The following GABBR2 variants were observed in gnomAD, a reference collection of about 807,000 sequenced individuals.
The protein encoded by GABBR2 is gamma-aminobutyric acid type B receptor subunit 2, also known as G-protein coupled receptor 51.
In GABBR2, 23 loss-of-function variants were observed where a neutral mutation model predicts 105.6. The ratio of observed to expected loss-of-function variants is 0.22; its 90% confidence interval spans 0.16 to 0.31. The LOEUF (loss-of-function observed/expected upper bound fraction) is 0.31, where lower values mean the gene tolerates loss of function less well. Ranked by LOEUF, GABBR2 falls within the 10% of genes least tolerant of loss-of-function variation. GABBR2 has a pLI of 1.00. For missense variants in GABBR2, 734 were observed against 1,245.5 expected, an observed-to-expected ratio of 0.59 and a Z score of 6.18; for synonymous variants, 478 against 499.7, an observed-to-expected ratio of 0.96 and a Z score of 0.58.
chr9:98,501,153 C>CTT (rs199661688), intron 3 of GABBR2, among the ~76,000 whole-genome samples: 4 of 125,736 alleles, frequency 3.2e-5, no homozygotes, highest in Admixed American at 1.7e-4. Context: ...CCCCCTGCTC[C>CTT]TTTTTTTTTT....
intron 2 of GABBR2, among the ~76,000 whole-genome samples, chr9:98,570,613 T>C (rs1391976633): frequency 2.0e-5 from 3 of 152,172 alleles, no homozygotes; most frequent in Non-Finnish European, 4.4e-5. Context: ...CCAGGCCCCA[T>C]GCTTTCAGGA....
intron 2 of GABBR2, among the ~76,000 whole-genome samples, chr9:98,553,910 C>A (rs1352750104): frequency 1.3e-5 from 2 of 152,330 alleles, no homozygotes; most frequent in African/African-American, 4.8e-5. Context: ...TGTGATTTAA[C>A]AATTCCCAAA....
At chr9:98,642,927 T>C (rs1269897641) in intron 1 of GABBR2, among the ~76,000 whole-genome samples, 1 of 152,204 alleles carries the variant, frequency 6.6e-6, no homozygotes, top group African/African-American at 2.4e-5. Context: ...CCTCCTGCAC[T>C]GTCTCCCTCG....
chr9:98,628,143 C>T (rs760539840), intron 1 of GABBR2, among the ~76,000 whole-genome samples: 1 of 152,186 alleles, frequency 6.6e-6, no homozygotes, highest in African/African-American at 2.4e-5. Flanking sequence ...GAATAACTTA[C>T]GTGTGTTTAA....
chr9:98,478,694 C>A (rs1426018416), intron 5 of GABBR2, among the ~76,000 whole-genome samples: 2 of 152,172 alleles, frequency 1.3e-5, no homozygotes, highest in African/African-American at 4.8e-5. Context: ...CTGGGAAAGC[C>A]ACTTGGAAAC....
chr9:98,556,848 C>T (rs2131755982), intron 2 of GABBR2, among the ~76,000 whole-genome samples: 1 of 152,174 alleles, frequency 6.6e-6, no homozygotes, highest in South Asian at 2.1e-4. Flanking sequence ...AAGTGGAGAC[C>T]AGTCTGGGCA....
chr9:98,617,463 G>A (rs1829602820), intron 1 of GABBR2, among the ~76,000 whole-genome samples: 1 of 152,158 alleles, frequency 6.6e-6, no homozygotes, highest in Admixed American at 6.5e-5. Context: ...TACCTCTAAG[G>A]TTTCTGATTT....
At chr9:98,371,144 C>T (rs1831774603) in intron 12 of GABBR2, among the ~76,000 whole-genome samples, 1 of 152,156 alleles carries the variant, frequency 6.6e-6, no homozygotes, top group Non-Finnish European at 1.5e-5. Context: ...AGGTCCCCAG[C>T]ATCCCTATGC....
chr9:98,538,183 G>A (rs1468632629), intron 3 of GABBR2, among the ~76,000 whole-genome samples: 1 of 152,348 alleles, frequency 6.6e-6, no homozygotes, highest in East Asian at 1.9e-4. Context: ...CTGCAAGGTA[G>A]GATAAATAGC....
At chr9:98,374,399 G>A (rs978828140) in intron 11 of GABBR2, among the ~76,000 whole-genome samples, 3 of 152,214 alleles carry the variant, frequency 2.0e-5, no homozygotes, top group African/African-American at 7.2e-5. Flanking sequence ...TAGCAGGCCT[G>A]AGACTGTTAT....
chr9:98,665,970 A>G (rs745639882), intron 1 of GABBR2, among the ~76,000 whole-genome samples: 2 of 152,232 alleles, frequency 1.3e-5, no homozygotes, highest in Non-Finnish European at 2.9e-5. Flanking sequence ...AAAGAGCCTT[A>G]GCCAGCACCA....
intron 16 of GABBR2, among the ~76,000 whole-genome samples, chr9:98,300,029 ATTT>A (rs530073574): frequency 7.1e-6 from 1 of 141,186 alleles, no homozygotes; most frequent in South Asian, 2.2e-4. Context: ...TGTCTGGCTA[ATTT>A]TTTTTTTTTT....
At chr9:98,524,493 T>A (rs998092197) in intron 3 of GABBR2, among the ~76,000 whole-genome samples, 1 of 152,222 alleles carries the variant, frequency 6.6e-6, no homozygotes, top group Non-Finnish European at 1.5e-5. Context: ...AATAGCCTAT[T>A]CAACCTCTCC....
chr9:98,479,414 C>T (rs1194340717), intron 5 of GABBR2, among the ~76,000 whole-genome samples: 1 of 152,140 alleles, frequency 6.6e-6, no homozygotes, highest in Non-Finnish European at 1.5e-5. Context: ...AACAACATAC[C>T]CAACTTCAAT....
chr9:98,632,582 C>T (rs1050963703), intron 1 of GABBR2, among the ~76,000 whole-genome samples: 1 of 152,144 alleles, frequency 6.6e-6, no homozygotes, highest in Non-Finnish European at 1.5e-5. Flanking sequence ...TCCTGGCTGT[C>T]GTGGGATTCT....
intron 2 of GABBR2, among the ~76,000 whole-genome samples, chr9:98,560,436 CACACATACACACACACACAT>C (rs1828654095): frequency 7.2e-6 from 1 of 139,312 alleles, no homozygotes; most frequent in Admixed American, 7.1e-5. Flanking sequence ...TACACACACA[CACACATACACACACACACAT>C]ATATACATGC....
intron 1 of GABBR2, among the ~76,000 whole-genome samples, chr9:98,614,481 C>T (rs184418779): frequency 1.0e-3 from 152 of 152,096 alleles, no homozygotes; most frequent in African/African-American, 3.5e-3. Context: ...GCCGAGGTTG[C>T]GCCAATGCAC....
chr9:98,629,002 C>T (rs1304894431), intron 1 of GABBR2, among the ~76,000 whole-genome samples: 3 of 152,132 alleles, frequency 2.0e-5, no homozygotes, highest in African/African-American at 4.8e-5. Flanking sequence ...AAACTTGTTA[C>T]CAAATTTGAA....
chr9:98,385,228 G>C (rs1169983265), intron 11 of GABBR2, among the ~76,000 whole-genome samples: 2 of 152,170 alleles, frequency 1.3e-5, no homozygotes, highest in Non-Finnish European at 2.9e-5. Context: ...TTCCGAGACA[G>C]GGTCTTTCTC....
Sources: allele counts gnomAD v4.1 joint callset (sites outside exome capture counted in the v4.1 genomes callset), GRCh38; gene constraint gnomAD v4.1.1; transcripts MANE v1.5; gene names NCBI Gene and HGNC (gene_info 2026-07-23, HGNC 2026-07-21).